The following PHF20 variants were observed in gnomAD, a reference collection of about 807,000 sequenced individuals.
The protein encoded by PHF20 is PHD finger protein 20.
In PHF20, 23 loss-of-function variants were observed where a neutral mutation model predicts 113.5. The observed-to-expected ratio is 0.20, with a 90% CI of 0.15 to 0.29. The LOEUF is 0.29. Ranked by LOEUF, PHF20 falls within the 10% of genes least tolerant of loss-of-function variation. The probability of loss-of-function intolerance (pLI) is 1.00; values close to 1 mark genes in which losing one functional copy is unlikely to be tolerated. For missense variants in PHF20, 943 were observed against 1,219.6 expected (o/e 0.77, Z 3.38); for synonymous variants, 434 against 457.3 (o/e 0.95, Z 0.65).
At chr20:35,796,350 G>T (rs1334886054) in intron 1 of PHF20, among the ~76,000 whole-genome samples, 1 of 152,052 alleles carries the variant, frequency 6.6e-6, no homozygotes, top group Non-Finnish European at 1.5e-5. Context: ...TTTAATGGAT[G>T]AACTACATCC....
intron 15 of PHF20, among the ~76,000 whole-genome samples, chr20:35,934,590 C>T (rs369750066): frequency 2.6e-5 from 4 of 152,354 alleles, no homozygotes; most frequent in African/African-American, 9.6e-5. Context: ...GAAGCAGTTT[C>T]ACCTGCATTT....
At chr20:35,864,346 G>A (rs373505155) in intron 6 of PHF20, among the ~76,000 whole-genome samples, 38 of 151,558 alleles carry the variant, frequency 2.5e-4, no homozygotes, top group African/African-American at 8.2e-4. Flanking sequence ...TGAGGTGGGA[G>A]GATTGCTTGA....
intron 4 of PHF20, among the ~76,000 whole-genome samples, chr20:35,852,936 G>C (rs2042763604): frequency 1.3e-5 from 2 of 149,508 alleles, no homozygotes; most frequent in African/African-American, 4.9e-5. Context: ...TTCTAAAAAG[G>C]GCCAGTCCAG....
chr20:35,783,981 G>A (rs1288560831), intron 1 of PHF20, among the ~76,000 whole-genome samples: 8 of 151,400 alleles, frequency 5.3e-5, no homozygotes, highest in Non-Finnish European at 1.0e-4. Flanking sequence ...GTGAAACTCC[G>A]TCTTAAAACA....
intron 1 of PHF20, among the ~76,000 whole-genome samples, chr20:35,795,893 C>T (rs972720304): frequency 2.0e-5 from 3 of 152,076 alleles, no homozygotes; most frequent in East Asian, 3.9e-4. Flanking sequence ...CTCTGTCGCC[C>T]AGGCTGGAGT....
At chr20:35,942,229 C>T (rs903625899) in intron 17 of PHF20, among the ~76,000 whole-genome samples, 1 of 151,948 alleles carries the variant, frequency 6.6e-6, no homozygotes, top group Non-Finnish European at 1.5e-5. Context: ...GATTATGTCA[C>T]GGTACTCCAG....
At chr20:35,784,635 C>T (rs1395993329) in intron 1 of PHF20, among the ~76,000 whole-genome samples, 3 of 151,890 alleles carry the variant, frequency 2.0e-5, no homozygotes, top group South Asian at 4.1e-4. Flanking sequence ...TGGAGTTTCA[C>T]CATGTTGGCC....
At chr20:35,883,788 G>A (rs1232417447) in intron 9 of PHF20, among the ~76,000 whole-genome samples, 1 of 152,134 alleles carries the variant, frequency 6.6e-6, no homozygotes, top group Admixed American at 6.6e-5. Context: ...AATTCCATCT[G>A]ATAAGATGCT....
intron 9 of PHF20, among the ~76,000 whole-genome samples, chr20:35,895,410 A>C (rs73618537): frequency 0.011 from 1,610 of 152,194 alleles, 18 homozygotes; most frequent in East Asian, 0.04. Context: ...TGCCCGCCTC[A>C]GTTTCCCAAA....
chr20:35,939,979 A>G (rs567763934), intron 16 of PHF20, among the ~76,000 whole-genome samples: 18 of 152,308 alleles, frequency 1.2e-4, no homozygotes, highest in East Asian at 1.9e-4. Flanking sequence ...CGCAGTTTCA[A>G]TTCTGAGCTC....
intron 1 of PHF20, among the ~76,000 whole-genome samples, chr20:35,801,113 C>G (rs1421860542): frequency 6.6e-6 from 1 of 152,220 alleles, no homozygotes; most frequent in Non-Finnish European, 1.5e-5. Context: ...AGGGCAGGAG[C>G]TGTGTCTCTT....
chr20:35,926,954 A>G (rs112718819), intron 13 of PHF20, among the ~76,000 whole-genome samples: 2 of 152,222 alleles, frequency 1.3e-5, no homozygotes, highest in African/African-American at 2.4e-5. Flanking sequence ...TCTCCTCGGG[A>G]GTTCGCCTTT....
rs1403107539 is a variant in PHF20 at position 35,857,986 on chromosome 20, TTTC to T, written c.341-313_341-311del. ...ATAAATAAGTCTGCATTTTACTCAC[TTTC>T]TTAATTGTTTTACTGCTCTTTGTTC... On this transcript the variant is annotated intron_variant, in intron 4 of 17. Transcript: ENST00000374012. Among the ~76,000 whole-genome samples the T allele has an allele frequency of 5.9e-5, 9 of 152,370 alleles. No individual in the cohort carries two copies. The East Asian group carries it at 1.7e-3, about 29-fold the overall frequency.
intron 2 of PHF20, among the ~76,000 whole-genome samples, chr20:35,805,257 G>C (rs1796388161): frequency 6.6e-6 from 1 of 151,680 alleles, no homozygotes; most frequent in African/African-American, 2.4e-5. Flanking sequence ...GGAGTGCAGT[G>C]GTGGGAACAG....
chr20:35,844,036 A>G (rs2042577219), intron 3 of PHF20, among the ~76,000 whole-genome samples: 1 of 152,126 alleles, frequency 6.6e-6, no homozygotes, highest in Non-Finnish European at 1.5e-5. Flanking sequence ...GTGAAAGCAC[A>G]GATTTATTGA....
At chr20:35,923,412 G>C (rs1319347181) in intron 13 of PHF20, among the ~76,000 whole-genome samples, 2 of 152,016 alleles carry the variant, frequency 1.3e-5, no homozygotes, top group Non-Finnish European at 2.9e-5. Context: ...ACCAGCTTGG[G>C]CAACATAGAG....
At chr20:35,895,739 T>C (rs1374750119) in intron 9 of PHF20, among the ~76,000 whole-genome samples, 1 of 143,718 alleles carries the variant, frequency 7.0e-6, no homozygotes, top group Non-Finnish European at 1.5e-5. Flanking sequence ...CAAGCCAGAA[T>C]GCAATGGCGC....
At chr20:35,904,763 T>C (rs907064912) in intron 10 of PHF20, among the ~76,000 whole-genome samples, 3 of 127,810 alleles carry the variant, frequency 2.3e-5, no homozygotes, top group African/African-American at 9.4e-5. Context: ...ATCTGATTTC[T>C]TTTCTCCTTC....
At chr20:35,890,314 G>T (rs1436523049) in intron 9 of PHF20, among the ~76,000 whole-genome samples, 1 of 152,212 alleles carries the variant, frequency 6.6e-6, no homozygotes, top group Non-Finnish European at 1.5e-5. Context: ...ACAGGCACGA[G>T]CCACTACACC....
Sources: allele counts gnomAD v4.1 joint callset (sites outside exome capture counted in the v4.1 genomes callset), GRCh38; gene constraint gnomAD v4.1.1; transcripts MANE v1.5; gene names NCBI Gene and HGNC (gene_info 2026-07-23, HGNC 2026-07-21).